Variants in TUBA4B observed in about 807,000 individuals in gnomAD.
The protein encoded by TUBA4B is tubulin-like protein alpha-4B.
A neutral mutation model predicts 18.4 loss-of-function variants in TUBA4B; 13 were observed. The observed-to-expected ratio is 0.71, with a 90% CI of 0.46 to 1.12. The LOEUF (loss-of-function observed/expected upper bound fraction) is 1.12, where lower values mean the gene tolerates loss of function less well. TUBA4B is among the 50% of genes most tolerant of loss of function. The pLI is 0.00. For synonymous variants in TUBA4B, 101 were observed against 99.1 expected, an observed-to-expected ratio of 1.02 and a Z score of -0.11; for missense variants, 244 against 250.0, an observed-to-expected ratio of 0.98 and a Z score of 0.16.
chr2:219,256,147 A>G (rs1951718092), intron 1 of TUBA4B, among the ~76,000 whole-genome samples: 1 of 152,212 alleles, frequency 6.6e-6, no homozygotes, highest in Non-Finnish European at 1.5e-5. Context: ...GACTTGAGCT[A>G]TCTTAGGAAA....
intron 1 of TUBA4B, among the ~76,000 whole-genome samples, chr2:219,259,751 T>A (rs529445951): frequency 1.2e-4 from 18 of 152,316 alleles, no homozygotes; most frequent in Non-Finnish European, 2.4e-4. Flanking sequence ...ATGTTTGCAC[T>A]GACTCCATCT....
At chr2:219,266,228 G>A (rs201951833) in intron 1 of TUBA4B, 203 of 385,092 alleles carry the variant, frequency 5.3e-4, no homozygotes, top group Non-Finnish European at 8.5e-4. Flanking sequence ...TGCAGGCTGT[G>A]CCACCAGGAA....
At chr2:219,254,118 G>A in intron 1 of TUBA4B, 1 of 403,760 alleles carries the variant, frequency 2.5e-6, no homozygotes, top group East Asian at 3.7e-5. Flanking sequence ...ATTAAGAGTC[G>A]CGATTCGGGC....
chr2:219,271,369 C>T lies in TUBA4B; in HGVS notation c.396C>T (p.Thr132=). The part of the protein sequence containing the change: ...QPYNSILTTH[T]TLEHSDCAFM... ...ACAACTCTATCCTGACCACCCACACCACCCTGGAGCACTCAGACTGTGCCT... is the reference window on the plus strand; with the variant it reads ...ACAACTCTATCCTGACCACCCACACTACCCTGGAGCACTCAGACTGTGCCT... Residue 132 remains threonine (T), a synonymous_variant, in exon 4 of 4, where the codon ACC becomes ACT. Coordinates refer to ENST00000490341, the MANE Select transcript of TUBA4B (RefSeq NM_001355221.1). 2 of 1,614,202 alleles carry T rather than the reference C, an allele frequency of 1.2e-6. No homozygotes were observed. The highest frequency in any genetic ancestry group is 1.7e-6 in the Non-Finnish European group (2 of 1,180,024).
chr2:219,260,975 AT>A (rs1027902570), intron 1 of TUBA4B, among the ~76,000 whole-genome samples: 1 of 152,068 alleles, frequency 6.6e-6, no homozygotes, highest in African/African-American at 2.4e-5. Flanking sequence ...ATCTAAAAAA[AT>A]AAATAAATAA....
At chr2:219,264,148 A>G (rs1951775311) in intron 1 of TUBA4B, among the ~76,000 whole-genome samples, 2 of 152,220 alleles carry the variant, frequency 1.3e-5, no homozygotes, top group Non-Finnish European at 2.9e-5. Flanking sequence ...TTCATAAATT[A>G]GGCACAGTAA....
At chr2:219,257,043 C>CCT (rs1553571966) in intron 1 of TUBA4B, among the ~76,000 whole-genome samples, 3 of 107,586 alleles carry the variant, frequency 2.8e-5, no homozygotes, top group Non-Finnish European at 5.2e-5. Flanking sequence ...CCCATTTTGG[C>CCT]TTTTTTTTTT....
At chr2:219,266,850 T>C (rs1951793470) in intron 2 of TUBA4B, among the ~76,000 whole-genome samples, 1 of 151,268 alleles carries the variant, frequency 6.6e-6, no homozygotes. Flanking sequence ...AATTTAGGTG[T>C]GGGGAGTGTG....
intron 1 of TUBA4B, among the ~76,000 whole-genome samples, chr2:219,260,818 CA>C (rs1235561320): frequency 6.6e-6 from 1 of 152,066 alleles, no homozygotes; most frequent in Non-Finnish European, 1.5e-5. Flanking sequence ...ACTAAAAATA[CA>C]AAAATTAGCT....
At position 219,271,265 on chromosome 2, in the gene TUBA4B, G is replaced by C. The variant is rs971719797; in HGVS notation, c.292G>C (p.Val98Leu). Residue 98 changes from valine (V) to leucine (L), a missense_variant, in exon 4 of 4, where the codon GTT (valine) becomes CTT (leucine). By Grantham distance (32) the Val-to-Leu change is conservative. Coordinates refer to ENST00000490341, the MANE Select transcript of TUBA4B (RefSeq NM_001355221.1). The stretch of plus-strand genomic sequence containing the variant: ...CTCATTCCTGATGGAGTGGCTTTCT[G>C]TTAACTATGGCAAGAAATCCAAGCT... ...VTSFLMEWLS[V>L]NYGKKSKLGF... 2 of 1,454,056 alleles carry C rather than the reference G, an allele frequency of 1.4e-6. No individual in the cohort carries two copies. Among genetic ancestry groups the C allele is most frequent in the East Asian group, 2.3e-5 (1 of 44,080 alleles). The allele number at this position is 1,454,056 out of a possible 1,614,324, so 90.1% of individuals were successfully genotyped here. A position where few individuals can be genotyped will look rare whatever the true frequency, so the allele number is the denominator to read the frequency against.
At position 219,271,285 on chromosome 2, in the gene TUBA4B, C is replaced by A. The variant is rs1951823367; in HGVS notation, c.312C>A (p.Ser104=). 2 of 1,535,628 alleles carry A rather than the reference C, an allele frequency of 1.3e-6. No individual in the cohort carries two copies. Among genetic ancestry groups the A allele is most frequent in the East Asian group, 4.5e-5 (2 of 44,496 alleles). Residue 104 remains serine, a synonymous_variant, in exon 4 of 4, where the codon TCC becomes TCA. Transcript: ENST00000490341. The part of the protein sequence containing the change: ...EWLSVNYGKK[S]KLGFSIYPAP... ...TTTCTGTTAACTATGGCAAGAAATC[C>A]AAGCTGGGATTCTCCATCTACCCAG...
chr2:219,253,989 A>G (rs1951693952), intron 1 of TUBA4B: 1 of 1,021,996 alleles, frequency 9.8e-7, no homozygotes, highest in Non-Finnish European at 1.3e-6. Context: ...CTCGCCCACT[A>G]GAGGCTGGGC....
intron 1 of TUBA4B, among the ~76,000 whole-genome samples, chr2:219,261,681 C>T (rs752656922): frequency 2.6e-4 from 40 of 152,218 alleles, no homozygotes; most frequent in Non-Finnish European, 4.4e-4. Context: ...TTCCTAGATG[C>T]CTTCAGCAGC....
chr2:219,262,298 G>C (rs886760002), intron 1 of TUBA4B, among the ~76,000 whole-genome samples: 1 of 152,232 alleles, frequency 6.6e-6, no homozygotes, highest in African/African-American at 2.4e-5. Flanking sequence ...CTGGGCGACA[G>C]AGCGAGACTC....
intron 2 of TUBA4B, among the ~76,000 whole-genome samples, chr2:219,269,633 T>A (rs1476835737): frequency 6.6e-6 from 1 of 152,132 alleles, no homozygotes; most frequent in Non-Finnish European, 1.5e-5. Context: ...TCAGTGTGAG[T>A]GCATCTCAGT....
chr2:219,253,890 T>A (rs546010501), intron 1 of TUBA4B: 1 of 1,425,028 alleles, frequency 7.0e-7, no homozygotes, highest in Admixed American at 3.2e-5. Context: ...TCACGTTGAG[T>A]CGGGGTGACA....
chr2:219,256,054 G>T (rs1019706299), intron 1 of TUBA4B, among the ~76,000 whole-genome samples: 2 of 152,204 alleles, frequency 1.3e-5, no homozygotes, highest in Non-Finnish European at 2.9e-5. Context: ...GTGACTATAG[G>T]ACACATGGCA....
At chr2:219,253,949 GC>G (rs1553571521) in intron 1 of TUBA4B, 2 of 1,165,668 alleles carry the variant, frequency 1.7e-6, no homozygotes, top group Non-Finnish European at 1.1e-6. Flanking sequence ...GCCCTTATAG[GC>G]GGGGGGGGGG....
chr2:219,253,956 G>GT, intron 1 of TUBA4B: 2 of 1,182,570 alleles, frequency 1.7e-6, no homozygotes, highest in Non-Finnish European at 1.1e-6. Context: ...TAGGCGGGGG[G>GT]GGGGCGGGGC....
Sources: allele counts gnomAD v4.1 joint callset (sites outside exome capture counted in the v4.1 genomes callset), GRCh38; gene constraint gnomAD v4.1.1; transcripts MANE v1.5; gene names NCBI Gene and HGNC (gene_info 2026-07-23, HGNC 2026-07-21).